Variants in PATE4 observed in about 807,000 individuals in gnomAD.
The protein encoded by PATE4 is prostate and testis expressed protein 4.
Under a neutral mutation model 8.5 loss-of-function variants are expected in PATE4, and 13 were observed. That is an observed-to-expected ratio of 1.53 (90% CI 1.00 to 2.43). The LOEUF is 2.43. Among genes scored for constraint, PATE4 ranks in the 30% most tolerant of loss-of-function variants. PATE4 has a pLI of 0.00. For synonymous variants in PATE4, 47 were observed against 39.3 expected (o/e 1.20, Z -0.73); for missense variants, 127 against 115.5 (o/e 1.10, Z -0.46).
At chr11:125,836,559 A>G (rs893712429) in intron 1 of PATE4, among the ~76,000 whole-genome samples, 1 of 151,948 alleles carries the variant, frequency 6.6e-6, no homozygotes, top group Non-Finnish European at 1.5e-5. Context: ...ATACCACACC[A>G]CCCACTTACC....
intron 1 of PATE4, among the ~76,000 whole-genome samples, chr11:125,833,809 A>T (rs1943903124): frequency 6.6e-6 from 1 of 152,130 alleles, no homozygotes; most frequent in Non-Finnish European, 1.5e-5. Flanking sequence ...TTAAGGCTTT[A>T]TACTATCCAC....
chr11:125,838,009 A>G (rs1483446948), intron 2 of PATE4, 25 bp downstream of exon 2: 27 of 1,502,918 alleles, frequency 1.8e-5, no homozygotes, highest in Non-Finnish European at 2.3e-5. Context: ...TGAAGACTCC[A>G]AAATTGCCTG....
At chr11:125,836,244 A>C (rs1335108556) in intron 1 of PATE4, among the ~76,000 whole-genome samples, 1 of 152,064 alleles carries the variant, frequency 6.6e-6, no homozygotes, top group Non-Finnish European at 1.5e-5. Flanking sequence ...CAGAAGAATA[A>C]AATTATTTTC....
At position 125,837,971 on chromosome 11, in the gene PATE4, A is replaced by G. The variant is rs1306097260; in HGVS notation, c.162A>G (p.Thr54=). 1.3e-6 allele frequency: 2 copies of G among 1,551,414 alleles called. No homozygotes were observed. The highest frequency in any genetic ancestry group is 2.4e-5 in the East Asian group (1 of 40,924). ...IAKENELCST[T]AYFRGDKHMY... is the part of the protein sequence containing the mutation. Reference sequence around the variant, plus strand: ...AAGAAAATGAGTTATGTTCAACAACAGCCTATTTCAGGGGTAAGTGGGGCT... The same window carrying G: ...AAGAAAATGAGTTATGTTCAACAACGGCCTATTTCAGGGGTAAGTGGGGCT... Residue 54 remains threonine (T), a synonymous_variant, in exon 2 of 3, where the codon ACA becomes ACG. Transcript: ENST00000457514.
intron 2 of PATE4, 67 bp downstream of exon 2, chr11:125,838,051 A>G (rs1943932964): frequency 1.4e-5 from 17 of 1,253,622 alleles, no homozygotes; most frequent in Non-Finnish European, 1.9e-5. Flanking sequence ...AGTGCCTGGA[A>G]TAAAGAACTC....
rs770902007 is a variant in PATE4, at chr11:125,837,871, T to C, written c.62T>C (p.Met21Thr). 1.3e-6 allele frequency: 2 copies of C among 1,549,258 alleles called. No homozygotes were observed. The highest frequency in any genetic ancestry group is 1.7e-6 in the Non-Finnish European group (2 of 1,145,072). ...SLSFLYLKEV[M>T]GLKCNTCIYT... ...TTCTATTCTCTCCACCCTGCAGTTA[T>C]GGGTCTGAAGTGTAATACCTGCATA... is the stretch of plus-strand genomic sequence containing the variant. The change falls in exon 2 of 3, where the codon ATG becomes ACG. Residue 21 changes from methionine to threonine, a missense_variant. By Grantham distance (81) the Met-to-Thr change is moderately conservative. Coordinates refer to ENST00000457514, the MANE Select transcript of PATE4 (RefSeq NM_001144874.1).
chr11:125,838,339 A>G lies in PATE4; in HGVS notation c.209A>G (p.Lys70Arg). ...CATATGTACTCAACACATATGTGTA[A>G]GTATAAGTGCCGGGAAGAGGAGTCC... is the stretch of plus-strand genomic sequence containing the variant. ...DKHMYSTHMC[K>R]YKCREEESSK... The change falls in exon 3 of 3, where the codon AAG becomes AGG. Residue 70 changes from lysine to arginine, a missense_variant. By Grantham distance (26) the Lys-to-Arg change is conservative. Transcript: ENST00000457514. The G allele has an allele frequency of 6.4e-7, 1 of 1,551,060 alleles. No homozygotes were observed. The highest frequency in any genetic ancestry group is 8.7e-7 in the Non-Finnish European group (1 of 1,146,728).
chr11:125,837,842 A>C (rs1229509782), intron 1 of PATE4, 26 bp from the exon 2 acceptor site: 6 of 1,506,720 alleles, frequency 4.0e-6, no homozygotes, highest in Non-Finnish European at 5.4e-6. Flanking sequence ...ATCCAGCCTG[A>C]ATATTCTATT....
At chr11:125,836,038 A>T (rs1591478214) in intron 1 of PATE4, 4 of 151,962 alleles carry the variant, frequency 2.6e-5, no homozygotes, top group African/African-American at 9.7e-5. Context: ...GGCTTTTAAT[A>T]GAGCTATTTT....
Position 125,837,980 on chromosome 11 carries a change from C to T in PATE4, c.171C>T (p.Phe57=). The change falls in exon 2 of 3, where the codon TTC becomes TTT. Residue 57 remains phenylalanine, a synonymous_variant. Transcript: ENST00000457514. ...ENELCSTTAY[F]RGDKHMYSTH... ...AGTTATGTTCAACAACAGCCTATTTCAGGGGTAAGTGGGGCTCATGAAGAC... is the reference window on the plus strand; with the variant it reads ...AGTTATGTTCAACAACAGCCTATTTTAGGGGTAAGTGGGGCTCATGAAGAC... 1 of 1,550,806 alleles carries T rather than the reference C, an allele frequency of 6.4e-7. No homozygotes were observed. Among genetic ancestry groups the T allele is most frequent in the South Asian group, 1.2e-5 (1 of 84,014 alleles).
chr11:125,834,481 G>A lies in PATE4; in HGVS notation c.58+1064G>A, dbSNP rs549847167. ...GAAAAATGCAAATTAAAAGAACACT[G>A]ATACACCATTTTTGACCTATCAGAT... On this transcript the variant is annotated intron_variant, in intron 1 of 2. Coordinates refer to ENST00000457514, the MANE Select transcript of PATE4 (RefSeq NM_001144874.1). 2.6e-5 allele frequency among the ~76,000 whole-genome samples: 4 copies of A among 152,248 alleles called. No individual in the cohort carries two copies. In the South Asian group the frequency reaches 8.3e-4, roughly 32 times the overall value.
At chr11:125,836,075 T>A (rs943358535) in intron 1 of PATE4, among the ~76,000 whole-genome samples, 1 of 151,152 alleles carries the variant, frequency 6.6e-6, no homozygotes, top group African/African-American at 2.4e-5. Flanking sequence ...ACTCAATGCA[T>A]AAATTACTGA....
chr11:125,835,264 G>A (rs1943911670), intron 1 of PATE4: 1 of 152,220 alleles, frequency 6.6e-6, no homozygotes, highest in Non-Finnish European at 1.5e-5. Flanking sequence ...AATTGATAGT[G>A]TCCTCTGGTG....
In PATE4 at chr11:125,839,683, CA is replaced by C. The variant is rs1943946851; in HGVS notation, c.*1258del. 6.6e-6 allele frequency: 1 copy of C among 152,288 alleles called. No individual in the cohort carries two copies. Among genetic ancestry groups the C allele is most frequent in the East Asian group, 1.9e-4 (1 of 5,206 alleles). The allele number at this position is 152,288 out of a possible 1,614,324, so 9.4% of individuals were successfully genotyped here. On this transcript the variant is annotated 3_prime_UTR_variant, in exon 3 of 3. Coordinates refer to ENST00000457514, the MANE Select transcript of PATE4 (RefSeq NM_001144874.1). ...AAGGCATGTCTCACATAGTGACAGA[CA>C]AGAGAAGAGAGATTGTGCAGGAAAA...
In PATE4 at chr11:125,833,397, C is replaced by T. The variant is rs534111342; in HGVS notation, c.38C>T (p.Ser13Phe). 898 of 1,551,504 alleles carry T rather than the reference C, an allele frequency of 5.8e-4. 17 individuals carry two copies. The South Asian group carries it at 9.9e-3, about 17-fold the overall frequency. The change falls in exon 1 of 3, where the codon TCT (serine) becomes TTT (phenylalanine). Residue 13 changes from serine (S) to phenylalanine (F), a missense_variant. By Grantham distance (155) the Ser-to-Phe change is radical. Transcript: ENST00000457514. ...KMNTLLLVSLSFLYLKEVMGL... is the reference protein window; with the variant it reads ...KMNTLLLVSLFFLYLKEVMGL... Reference sequence around the variant, plus strand: ...AACACACTGCTCCTTGTGAGCTTATCTTTTCTCTACCTCAAAGAGGGTAAG... The same window carrying T: ...AACACACTGCTCCTTGTGAGCTTATTTTTTCTCTACCTCAAAGAGGGTAAG...
rs1228695225 is a variant in PATE4, at chr11:125,837,919, T to C, written c.110T>C (p.Met37Thr). ...ATATACACAGAAGGATGGAAGTGTA[T>C]GGCAGGCCGAGGCACTTGCATTGCA... is the stretch of plus-strand genomic sequence containing the variant. ...TCIYTEGWKC[M>T]AGRGTCIAKE... is the part of the protein sequence containing the mutation. Residue 37 changes from methionine to threonine, a missense_variant, in exon 2 of 3, where the codon ATG (methionine) becomes ACG (threonine). Met to Thr is a moderately conservative substitution (Grantham distance 81). Transcript: ENST00000457514. 5.8e-6 allele frequency: 9 copies of C among 1,551,650 alleles called. No individual in the cohort carries two copies. The highest frequency in any genetic ancestry group is 7.8e-6 in the Non-Finnish European group (9 of 1,146,946).
chr11:125,837,683 T>A (rs1001632359), intron 1 of PATE4, among the ~76,000 whole-genome samples, 185 bp from the exon 2 acceptor site: 4 of 152,216 alleles, frequency 2.6e-5, no homozygotes, highest in Non-Finnish European at 4.4e-5. Context: ...AGAGACTGTG[T>A]CTTATCTTTT....
In PATE4 at chr11:125,838,020, C is replaced by T. The variant is rs527876619; in HGVS notation, c.175+36C>T. The T allele has an allele frequency of 2.1e-6, 3 of 1,446,940 alleles. No homozygotes were observed. The South Asian group carries it at 3.7e-5, about 18-fold the overall frequency. 89.6% of individuals were successfully genotyped at this position (1,446,940 alleles called of 1,614,324 possible). On this transcript the variant is annotated intron_variant, in intron 2 of 2. Coordinates refer to ENST00000457514, the MANE Select transcript of PATE4 (RefSeq NM_001144874.1). Reference sequence around the variant, plus strand: ...CTCATGAAGACTCCAAAATTGCCTGCAAAGAACCATCACTCTTGCTAGTGC... The same window carrying T: ...CTCATGAAGACTCCAAAATTGCCTGTAAAGAACCATCACTCTTGCTAGTGC...
intron 1 of PATE4, chr11:125,835,189 T>C (rs906704069): frequency 1.3e-5 from 2 of 152,234 alleles, no homozygotes; most frequent in Non-Finnish European, 2.9e-5. Flanking sequence ...ATTATCAGTG[T>C]ACTGCGCAGC....
Sources: gnomAD v4.1 joint callset for allele counts (sites outside exome capture counted in the v4.1 genomes callset) on GRCh38, gnomAD v4.1.1 for gene constraint, MANE v1.5 for transcripts, NCBI Gene and HGNC (gene_info 2026-07-23, HGNC 2026-07-21) for gene names.